Variants in SMOC2 observed in about 807,000 individuals in gnomAD.
The protein encoded by SMOC2 is SPARC related modular calcium binding 2.
Under a neutral mutation model 61.4 loss-of-function variants are expected in SMOC2, and 39 were observed. That is an observed-to-expected ratio of 0.64 (90% CI 0.49 to 0.83). The LOEUF is 0.83. Ranked by LOEUF, SMOC2 falls within the 40% of genes least tolerant of loss-of-function variation. The probability of loss-of-function intolerance (pLI) is 0.00; values close to 1 mark genes in which losing one functional copy is unlikely to be tolerated. For synonymous variants in SMOC2, 247 were observed against 239.9 expected (o/e 1.03, Z -0.27); for missense variants, 556 against 592.9 (o/e 0.94, Z 0.65).
intron 9 of SMOC2, among the ~76,000 whole-genome samples, chr6:168,645,537 T>G (rs1367872961): frequency 6.6e-6 from 1 of 152,140 alleles, no homozygotes; most frequent in Non-Finnish European, 1.5e-5. Context: ...TTGAGAATGC[T>G]CAGTTCCCGC....
At chr6:168,526,120 G>A (rs1783446654) in intron 2 of SMOC2, among the ~76,000 whole-genome samples, 1 of 152,166 alleles carries the variant, frequency 6.6e-6, no homozygotes, top group Non-Finnish European at 1.5e-5. Flanking sequence ...TGCCCTTCCC[G>A]CCCCTGGGCC....
At position 168,441,256 on chromosome 6, in the gene SMOC2, C is replaced by A. The variant is rs1781197635; in HGVS notation, c.-115C>A. The A allele has an allele frequency of 2.2e-6, 3 of 1,360,544 alleles. No individual in the cohort carries two copies. The highest frequency in any genetic ancestry group is 1.9e-6 in the Non-Finnish European group (2 of 1,064,886). The allele number at this position is 1,360,544 out of a possible 1,614,324, so 84.3% of individuals were successfully genotyped here. ...CCGCCGGGAGCGGTGGGGAGAGCATCGCGGAGCCGCCCCTCCACGCGCCCG... is the reference window on the plus strand; with the variant it reads ...CCGCCGGGAGCGGTGGGGAGAGCATAGCGGAGCCGCCCCTCCACGCGCCCG... On this transcript the variant is annotated 5_prime_UTR_variant, in exon 1 of 13. Transcript: ENST00000356284.
intron 5 of SMOC2, among the ~76,000 whole-genome samples, chr6:168,546,881 C>T (rs144430272): frequency 1.5e-3 from 221 of 152,298 alleles, no homozygotes; most frequent in African/African-American, 4.6e-3. Flanking sequence ...GGATATTTTC[C>T]ACGTGAAGTT....
intron 1 of SMOC2, among the ~76,000 whole-genome samples, chr6:168,460,859 T>C (rs1467324202): frequency 6.6e-6 from 1 of 152,226 alleles, no homozygotes; most frequent in African/African-American, 2.4e-5. Flanking sequence ...TTGTAGATAT[T>C]CTTTGATTAA....
In SMOC2 at chr6:168,453,121, T is replaced by TTCC. The variant is rs1781501536; in HGVS notation, c.84+11669_84+11670insCTC. ...ACTCAGGGCAATCTGCCCTGAGGAA[T>TTCC]TCAGGGCAGTGTGGCTTGAATCTGC... On this transcript the variant is annotated intron_variant, in intron 1 of 12. Transcript: ENST00000356284. The surrounding 1 kb of genome is among the most constrained non-coding windows in gnomAD (Gnocchi z 4.4). 3.3e-5 allele frequency among the ~76,000 whole-genome samples: 5 copies of TTCC among 152,014 alleles called. No homozygotes were observed. The highest frequency in any genetic ancestry group is 2.4e-5 in the African/African-American group (1 of 41,410).
intron 1 of SMOC2, among the ~76,000 whole-genome samples, chr6:168,508,568 T>A (rs1782930005): frequency 6.6e-6 from 1 of 152,194 alleles, no homozygotes; most frequent in African/African-American, 2.4e-5. Context: ...GACTTCAAGG[T>A]GGAAAGTTTC....
At chr6:168,462,186 A>G (rs571367923) in intron 1 of SMOC2, among the ~76,000 whole-genome samples, 2 of 152,184 alleles carry the variant, frequency 1.3e-5, no homozygotes, top group African/African-American at 4.8e-5. Context: ...AGTGATTTAG[A>G]TCCCTAGAAC....
At chr6:168,490,540 G>T (rs1198468302) in intron 1 of SMOC2, among the ~76,000 whole-genome samples, 1 of 152,160 alleles carries the variant, frequency 6.6e-6, no homozygotes, top group African/African-American at 2.4e-5. Flanking sequence ...AAGCAAAGTG[G>T]TGTGCCAAGT....
intron 7 of SMOC2, among the ~76,000 whole-genome samples, chr6:168,557,355 A>T (rs1784274346): frequency 6.6e-6 from 1 of 152,220 alleles, no homozygotes; most frequent in African/African-American, 2.4e-5. Context: ...GCATAACTAA[A>T]TTTATCCAAT....
chr6:168,527,945 A>G (rs1000539350), intron 4 of SMOC2, among the ~76,000 whole-genome samples: 10 of 152,272 alleles, frequency 6.6e-5, no homozygotes, highest in Admixed American at 3.9e-4. Context: ...GAATGTATGC[A>G]TATGGCTGGA....
intron 12 of SMOC2, 58 bp from the exon 13 acceptor site, chr6:168,666,363 C>G (rs967241007): frequency 1.9e-6 from 3 of 1,608,638 alleles, no homozygotes; most frequent in Non-Finnish European, 2.6e-6. Flanking sequence ...TTAGTCTTCA[C>G]AGATGAGCGA....
In SMOC2 at chr6:168,527,690, C is replaced by T. The variant is rs376510048; in HGVS notation, c.426C>T (p.Ser142=). ...TCACGCCCAACGGGAGGCCCATCAG[C>T]GGCACTGCCGTGGCCCACAAGACGC... ...WCVTPNGRPI[S]GTAVAHKTPR... The change falls in exon 4 of 13, where the codon AGC becomes AGT. Residue 142 remains serine (S), a synonymous_variant. Coordinates refer to ENST00000356284, the MANE Select transcript of SMOC2 (RefSeq NM_001166412.2). 32 of 1,552,074 alleles carry T rather than the reference C, an allele frequency of 2.1e-5. No individual in the cohort carries two copies. The highest frequency in any genetic ancestry group is 1.7e-4 in the Middle Eastern group (1 of 5,862).
At chr6:168,575,460 G>A (rs1346470426) in intron 7 of SMOC2, among the ~76,000 whole-genome samples, 1 of 152,110 alleles carries the variant, frequency 6.6e-6, no homozygotes, top group East Asian at 1.9e-4. Flanking sequence ...CTGTGAGCAG[G>A]GTGTGGGGAC....
chr6:168,497,235 C>G (rs939403756), intron 1 of SMOC2, among the ~76,000 whole-genome samples: 1 of 152,162 alleles, frequency 6.6e-6, no homozygotes, highest in Non-Finnish European at 1.5e-5. Context: ...TCACTGGGAG[C>G]CTCAGCTGTG....
chr6:168,532,258 G>A (rs189861833), intron 4 of SMOC2, among the ~76,000 whole-genome samples: 5 of 152,132 alleles, frequency 3.3e-5, no homozygotes, highest in South Asian at 2.1e-4. Context: ...CTGCTGCCCC[G>A]GTGTTCAAGG....
At chr6:168,445,055 TC>T (rs1781301511) in intron 1 of SMOC2, among the ~76,000 whole-genome samples, 1 of 152,328 alleles carries the variant, frequency 6.6e-6, no homozygotes, top group African/African-American at 2.4e-5. Context: ...ACGCACGACT[TC>T]GTTAAAGGTA....
At chr6:168,615,204 C>T (rs1455770512) in intron 9 of SMOC2, among the ~76,000 whole-genome samples, 27 of 78,778 alleles carry the variant, frequency 3.4e-4, no homozygotes, top group East Asian at 9.3e-4. Flanking sequence ...CAGCACAGGG[C>T]CTCTTTATAC....
intron 1 of SMOC2, among the ~76,000 whole-genome samples, chr6:168,495,908 A>G (rs965300694): frequency 1.3e-5 from 2 of 152,198 alleles, no homozygotes; most frequent in African/African-American, 4.8e-5. Flanking sequence ...ATGAGCGGTC[A>G]GGGCCGGGCC....
intron 1 of SMOC2, among the ~76,000 whole-genome samples, chr6:168,505,423 C>G (rs574550938): frequency 2.0e-5 from 3 of 151,558 alleles, no homozygotes; most frequent in South Asian, 4.2e-4. Context: ...ATGTCCATCT[C>G]TCAGATGCTG....
Sources: allele counts gnomAD v4.1 joint callset (sites outside exome capture counted in the v4.1 genomes callset), GRCh38; gene constraint gnomAD v4.1.1; non-coding constraint Gnocchi (gnomAD v3.1); transcripts MANE v1.5; gene names NCBI Gene and HGNC (gene_info 2026-07-23, HGNC 2026-07-21).